Variants in PDE1C observed in about 807,000 individuals in gnomAD.
PDE1C encodes the protein phosphodiesterase 1C, also known as dual specificity calcium/calmodulin-dependent 3',5'-cyclic nucleotide phosphodiesterase 1C.
PDE1C carries 62 observed loss-of-function variants against 93.1 expected under a neutral mutation model. That is an observed-to-expected ratio of 0.67 (90% confidence interval 0.54 to 0.82). The LOEUF is 0.82. Ranked by LOEUF, PDE1C falls within the 40% of genes least tolerant of loss-of-function variation. PDE1C has a pLI of 0.00. For missense variants in PDE1C, 742 were observed against 884.6 expected (o/e 0.84, Z 2.04); for synonymous variants, 325 against 310.1 (o/e 1.05, Z -0.50).
chr7:31,645,755 G>T, the PDE1C span, among the ~76,000 whole-genome samples: 1 of 152,118 alleles, frequency 6.6e-6, no homozygotes, highest in Non-Finnish European at 1.5e-5. Flanking sequence ...TTGTCACAAC[G>T]GGAGGGGGGT....
intron 2 of PDE1C, among the ~76,000 whole-genome samples, chr7:32,029,130 A>G (rs933475436): frequency 6.6e-6 from 1 of 152,184 alleles, no homozygotes; most frequent in Non-Finnish European, 1.5e-5. Context: ...ACCAACAAAT[A>G]CATGCAAAAA....
At chr7:32,378,690 C>T (rs1784476196) in intron 1 of PDE1C, among the ~76,000 whole-genome samples, 1 of 152,166 alleles carries the variant, frequency 6.6e-6, no homozygotes, top group African/African-American at 2.4e-5. Flanking sequence ...CAACTAGACC[C>T]ACCCCATCCA....
At chr7:31,821,230 T>C (rs1788925163) in intron 14 of PDE1C, among the ~76,000 whole-genome samples, 1 of 152,140 alleles carries the variant, frequency 6.6e-6, no homozygotes, top group Admixed American at 6.6e-5. Context: ...TACAGACAAC[T>C]TCTTTGTGCT....
At chr7:32,006,706 G>T (rs1428556070) in intron 2 of PDE1C, among the ~76,000 whole-genome samples, 1 of 152,200 alleles carries the variant, frequency 6.6e-6, no homozygotes, top group East Asian at 1.9e-4. Flanking sequence ...AGGCAAGCTG[G>T]GTATGGAAGA....
intron 1 of PDE1C, among the ~76,000 whole-genome samples, chr7:32,397,747 G>A (rs1370627263): frequency 6.6e-6 from 1 of 152,164 alleles, no homozygotes; most frequent in Non-Finnish European, 1.5e-5. Context: ...CAGGCACGGT[G>A]GCTCACGCCT....
chr7:32,244,336 T>G (rs1808758281), intron 1 of PDE1C, among the ~76,000 whole-genome samples: 1 of 152,136 alleles, frequency 6.6e-6, no homozygotes, highest in African/African-American at 2.4e-5. Flanking sequence ...TTCTTAAAAC[T>G]CAGTGTACCT....
At position 32,120,663 on chromosome 7, in the gene PDE1C, AAAAC is replaced by A. The variant is rs142672596; in HGVS notation, c.308+49118_308+49121del. On this transcript the variant is annotated intron_variant, in intron 3 of 18. Transcript: ENST00000396193. Reference sequence around the variant, plus strand: ...GAAGCGCAACCTGACCATTGAAAGAAAAACAAACAAACAGAAAGCAACAACAACA... The same window carrying A: ...GAAGCGCAACCTGACCATTGAAAGAAAAACAAACAGAAAGCAACAACAACA... Among the ~76,000 whole-genome samples the A allele has an allele frequency of 7.7e-3, 1,169 of 152,296 alleles. 18 individuals carry two copies. Among genetic ancestry groups the A allele is most frequent in the African/African-American group, 0.025 (1,023 of 41,554 alleles).
chr7:32,121,240 C>T (rs1311870654), intron 3 of PDE1C, among the ~76,000 whole-genome samples: 1 of 151,684 alleles, frequency 6.6e-6, no homozygotes, highest in East Asian at 1.9e-4. Context: ...GTAAAAAGAC[C>T]AAACTTACAA....
chr7:31,781,845 C>A (rs1460327014), intron 16 of PDE1C, among the ~76,000 whole-genome samples: 1 of 152,098 alleles, frequency 6.6e-6, no homozygotes, highest in Non-Finnish European at 1.5e-5. Flanking sequence ...GTCTGTTCAT[C>A]ACAAAGAAGA....
chr7:32,171,959 C>T (rs1029259498), intron 2 of PDE1C, among the ~76,000 whole-genome samples: 1 of 149,068 alleles, frequency 6.7e-6, no homozygotes, highest in Admixed American at 6.8e-5. Context: ...CAGGAAACTG[C>T]GTGTAGGCCG....
At chr7:31,938,822 A>G (rs1280426431) in intron 2 of PDE1C, among the ~76,000 whole-genome samples, 1 of 152,120 alleles carries the variant, frequency 6.6e-6, no homozygotes, top group African/African-American at 2.4e-5. Context: ...TAATTCACAA[A>G]TTTTTGTTGA....
chr7:32,231,956 TATACACACACACACAC>T (rs1413692898), intron 1 of PDE1C, among the ~76,000 whole-genome samples: 3,966 of 126,826 alleles, frequency 0.031, 71 homozygotes, highest in African/African-American at 0.047. Context: ...TAAATATGTG[TATACACACACACACAC>T]ACACACACAC....
At chr7:31,794,283 T>C (rs531598896) in intron 16 of PDE1C, among the ~76,000 whole-genome samples, 1 of 152,104 alleles carries the variant, frequency 6.6e-6, no homozygotes, top group Non-Finnish European at 1.5e-5. Flanking sequence ...GCAAAAGTAA[T>C]TGCGGTCTTT....
At chr7:32,071,168 C>T (rs890400809), upstream of PDE1C, 1 of 985,350 alleles carries the variant, frequency 1.0e-6, no homozygotes, top group Non-Finnish European at 1.2e-6. Flanking sequence ...GCGGCCACCA[C>T]CGACCTGCGG....
chr7:31,938,001 T>A (rs1014440563), intron 2 of PDE1C, among the ~76,000 whole-genome samples: 3 of 152,138 alleles, frequency 2.0e-5, no homozygotes, highest in African/African-American at 7.2e-5. Flanking sequence ...AGTACATTAT[T>A]TATAGAGGTA....
At chr7:32,013,230 G>C (rs1787403942) in intron 2 of PDE1C, among the ~76,000 whole-genome samples, 1 of 152,132 alleles carries the variant, frequency 6.6e-6, no homozygotes. Flanking sequence ...TATGAGTCAT[G>C]ATCTCCCCTA....
chr7:31,709,956 C>T, the PDE1C span, among the ~76,000 whole-genome samples: 1,001 of 152,144 alleles, frequency 6.6e-3, 9 homozygotes, highest in African/African-American at 0.023. Flanking sequence ...TCCAGATCAG[C>T]CTGGGCAACA....
chr7:32,291,579 A>C (rs1812329099), intron 1 of PDE1C, among the ~76,000 whole-genome samples: 1 of 152,366 alleles, frequency 6.6e-6, no homozygotes, highest in Middle Eastern at 3.4e-3. Flanking sequence ...AGTGGTTATT[A>C]AACGTCACTA....
intron 2 of PDE1C, among the ~76,000 whole-genome samples, chr7:32,046,049 C>T (rs1792508668): frequency 6.6e-6 from 1 of 152,120 alleles, no homozygotes; most frequent in South Asian, 2.1e-4. Context: ...ACACATTAGA[C>T]ATTCATGGAA....
Sources: allele counts gnomAD v4.1 joint callset (sites outside exome capture counted in the v4.1 genomes callset), GRCh38; gene constraint gnomAD v4.1.1; transcripts MANE v1.5; gene names NCBI Gene and HGNC (gene_info 2026-07-23, HGNC 2026-07-21).